The following CCDC77 variants were observed in gnomAD, a reference collection of about 807,000 sequenced individuals.
CCDC77 encodes coiled-coil domain-containing protein 77.
Under a neutral mutation model 66.8 loss-of-function variants are expected in CCDC77, and 56 were observed. The ratio of observed to expected loss-of-function variants is 0.84; its 90% confidence interval spans 0.68 to 1.05. CCDC77 has a LOEUF of 1.05. Ranked by LOEUF, CCDC77 falls within the 50% of genes least tolerant of loss-of-function variation. The pLI is 0.00. For synonymous variants in CCDC77, 196 were observed against 195.2 expected, an observed-to-expected ratio of 1.00 and a Z score of -0.03; for missense variants, 570 against 576.8, an observed-to-expected ratio of 0.99 and a Z score of 0.12.
intron 3 of CCDC77, chr12:409,664 A>G: frequency 2.3e-5 from 11 of 483,626 alleles, no homozygotes; most frequent in South Asian, 1.8e-4. Flanking sequence ...TTACAGGCAT[A>G]AGCCACTGTG....
rs1945118504 is a variant in CCDC77, at chr12:411,880, C to T, written c.172C>T (p.Leu58Phe). Residue 58 changes from leucine to phenylalanine, a missense_variant, in exon 4 of 13, where the codon CTC becomes TTC. Physicochemically the swap from Leu to Phe is conservative, Grantham distance 22. Coordinates refer to ENST00000239830, the MANE Select transcript of CCDC77 (RefSeq NM_032358.4). ...RLAKLHPSKE[L>F]LEYYQKKMAE... is the part of the protein sequence containing the mutation. ...GGCCAAACTCCATCCTTCTAAGGAGCTCCTGGAATATTATCAAAAGAAGAT... is the reference window on the plus strand; with the variant it reads ...GGCCAAACTCCATCCTTCTAAGGAGTTCCTGGAATATTATCAAAAGAAGAT... 19 of 1,613,838 alleles carry T rather than the reference C, an allele frequency of 1.2e-5. No homozygotes were observed. In the East Asian group the frequency reaches 4.0e-4, roughly 34 times the overall value.
In CCDC77 at chr12:433,327, G is replaced by A; in HGVS notation, c.821+5G>A. 1 of 1,613,718 alleles carries A rather than the reference G, an allele frequency of 6.2e-7. No homozygotes were observed. Among genetic ancestry groups the A allele is most frequent in the Non-Finnish European group, 8.5e-7 (1 of 1,179,892 alleles). On this transcript the variant is annotated splice_donor_5th_base_variant and intron_variant, in intron 9 of 12. Transcript: ENST00000239830. ...AATCAAAGAGCTAACCAAAAAGTGA[G>A]TGTCTAAGAAAGCTGTACCTAACGG...
At chr12:419,400 G>A (rs193235619) in intron 5 of CCDC77, among the ~76,000 whole-genome samples, 1 of 152,362 alleles carries the variant, frequency 6.6e-6, no homozygotes, top group African/African-American at 2.4e-5. Context: ...AGTCATAGCA[G>A]TACACTACAT....
intron 4 of CCDC77, among the ~76,000 whole-genome samples, chr12:416,323 GTGAGTC>G (rs1357066633): frequency 1.0e-5 from 1 of 98,458 alleles, no homozygotes; most frequent in Non-Finnish European, 2.1e-5. Context: ...GTGTGTGTGT[GTGAGTC>G]TGTGGGTGTG....
Position 440,900 on chromosome 12 carries a change from A to AT in CCDC77, c.1226dup (p.Leu409PhefsTer13). On this transcript the variant is annotated frameshift_variant, in exon 12 of 13. Transcript: ENST00000239830. LOFTEE classifies it high-confidence loss of function. ...AGATAATGACAAAACGCTATGAGGC[A>AT]TTGGAGCGTCGACGTATCCTGGAAG... 4.3e-6 allele frequency: 7 copies of AT among 1,613,904 alleles called. No homozygotes were observed. The highest frequency in any genetic ancestry group is 5.9e-6 in the Non-Finnish European group (7 of 1,180,026).
chr12:419,504 CTGTG>C (rs150371159), intron 5 of CCDC77, among the ~76,000 whole-genome samples: 3,689 of 30,832 alleles, frequency 0.12, 49 homozygotes, highest in East Asian at 0.16. Context: ...CAGTGCACTT[CTGTG>C]TGTGTGTGCT....
chr12:392,813 T>C (rs1010408580), intron 1 of CCDC77, among the ~76,000 whole-genome samples: 1 of 152,126 alleles, frequency 6.6e-6, no homozygotes, highest in Non-Finnish European at 1.5e-5. Flanking sequence ...TGATGTTTAC[T>C]ATATTAGAAA....
chr12:391,550 T>C (rs946179854), intron 1 of CCDC77, among the ~76,000 whole-genome samples: 1 of 152,328 alleles, frequency 6.6e-6, no homozygotes, highest in Admixed American at 6.5e-5. Context: ...GAATTCCGAA[T>C]AAAACAAGCC....
upstream of CCDC77, among the ~76,000 whole-genome samples, chr12:397,215 G>A (rs1029493061): frequency 1.3e-5 from 2 of 152,150 alleles, no homozygotes; most frequent in Non-Finnish European, 2.9e-5. Flanking sequence ...TGGATTGGAG[G>A]CAAGAACACC....
intron 4 of CCDC77, among the ~76,000 whole-genome samples, chr12:416,383 A>G (rs928030911): frequency 1.0e-3 from 25 of 24,148 alleles, no homozygotes; most frequent in African/African-American, 4.8e-3. Flanking sequence ...GTGTGTATAT[A>G]TATATATATA....
At position 407,948 on chromosome 12, in the gene CCDC77, C is replaced by T. The variant is rs1042309956; in HGVS notation, c.-16-1420C>T. 4.6e-5 allele frequency among the ~76,000 whole-genome samples: 7 copies of T among 152,040 alleles called. No individual in the cohort carries two copies. In the East Asian group the frequency reaches 5.8e-4, roughly 13 times the overall value. ...GACTACGGGTGCCTGCCACGACACC[C>T]GGCTAATTTTTTGCATTTTTAGTAG... On this transcript the variant is annotated intron_variant, in intron 2 of 12. Transcript: ENST00000239830.
intron 5 of CCDC77, among the ~76,000 whole-genome samples, chr12:425,695 A>G (rs1046907461): frequency 3.3e-5 from 5 of 150,810 alleles, no homozygotes; most frequent in Non-Finnish European, 5.9e-5. Flanking sequence ...TAAAAACTTC[A>G]CTCATGTGCT....
At chr12:399,683 A>G (rs1366972963), upstream of CCDC77, among the ~76,000 whole-genome samples, 2 of 152,228 alleles carry the variant, frequency 1.3e-5, no homozygotes, top group Non-Finnish European at 2.9e-5. Flanking sequence ...AATAAAACAT[A>G]CATAAAACGG....
At chr12:418,732 C>T (rs1475158509) in intron 5 of CCDC77, 96 bp downstream of exon 5, 6 of 1,357,836 alleles carry the variant, frequency 4.4e-6, no homozygotes, top group African/African-American at 2.9e-5. Context: ...GGCAGTATCA[C>T]TCTATTGCCC....
At chr12:433,775 A>C (rs145129469) in intron 9 of CCDC77, among the ~76,000 whole-genome samples, 218 of 152,328 alleles carry the variant, frequency 1.4e-3, no homozygotes, top group Non-Finnish European at 3.5e-4. Flanking sequence ...TCTAAAAAAA[A>C]CTGCACACTC....
chr12:439,716 G>A (rs1945826137), intron 10 of CCDC77, among the ~76,000 whole-genome samples: 1 of 151,852 alleles, frequency 6.6e-6, no homozygotes. Flanking sequence ...GGAGGCAGAG[G>A]TTGCAGTGAG....
intron 5 of CCDC77, chr12:418,876 T>A: frequency 4.8e-6 from 2 of 420,678 alleles, no homozygotes; most frequent in South Asian, 6.3e-5. Context: ...TTTTTGTATT[T>A]TTAGTGGAGA....
At position 441,824 on chromosome 12, in the gene CCDC77, C is replaced by T; in HGVS notation, c.1371C>T (p.Val457=). The change falls in exon 13 of 13, where the codon GTC becomes GTT. Residue 457 remains valine, a synonymous_variant. Coordinates refer to ENST00000239830, the MANE Select transcript of CCDC77 (RefSeq NM_032358.4). Reference sequence around the variant, plus strand: ...AGGATCTTGCCCTTCTGTGTGAGGTCCGTGACAGCAATAGACGGGCACATA... The same window carrying T: ...AGGATCTTGCCCTTCTGTGTGAGGTTCGTGACAGCAATAGACGGGCACATA... ...ANQDLALLCE[V]RDSNRRAHKI... is the part of the protein sequence containing the mutation. 1.2e-6 allele frequency: 2 copies of T among 1,612,912 alleles called. No individual in the cohort carries two copies. Among genetic ancestry groups the T allele is most frequent in the Non-Finnish European group, 1.7e-6 (2 of 1,179,892 alleles).
chr12:408,150 T>C (rs895722240), intron 2 of CCDC77, among the ~76,000 whole-genome samples: 5 of 152,232 alleles, frequency 3.3e-5, no homozygotes, highest in African/African-American at 9.6e-5. Context: ...ATCATCTGAC[T>C]TGCTCAGAAT....
Sources: allele counts gnomAD v4.1 joint callset (sites outside exome capture counted in the v4.1 genomes callset), GRCh38; gene constraint gnomAD v4.1.1; transcripts MANE v1.5; gene names NCBI Gene and HGNC (gene_info 2026-07-23, HGNC 2026-07-21).